The following ERBB4 variants were observed in gnomAD, a reference collection of about 807,000 sequenced individuals.
ERBB4 encodes receptor tyrosine-protein kinase erbB-4.
Under a neutral mutation model 158.0 loss-of-function variants are expected in ERBB4, and 42 were observed. The ratio of observed to expected loss-of-function variants is 0.27; its 90% confidence interval spans 0.21 to 0.34. The LOEUF is 0.34. Ranked by LOEUF, ERBB4 falls within the 10% of genes least tolerant of loss-of-function variation. The pLI is 1.00. For synonymous variants in ERBB4, 583 were observed against 558.7 expected (o/e 1.04, Z -0.61); for missense variants, 1,333 against 1,624.1 (o/e 0.82, Z 3.08).
At chr2:212,162,875 G>A (rs1000780086) in intron 1 of ERBB4, among the ~76,000 whole-genome samples, 16 of 151,910 alleles carry the variant, frequency 1.1e-4, no homozygotes, top group African/African-American at 3.6e-4. Flanking sequence ...TAATACTTTT[G>A]AAATTCAGGT....
intron 2 of ERBB4, among the ~76,000 whole-genome samples, chr2:212,098,273 C>T (rs2078987136): frequency 6.6e-6 from 1 of 152,232 alleles, no homozygotes; most frequent in East Asian, 1.9e-4. Flanking sequence ...AAATTGCAAG[C>T]TTCTATCCTT....
At chr2:212,376,097 T>C (rs13034755) in intron 1 of ERBB4, among the ~76,000 whole-genome samples, 29,916 of 152,038 alleles carry the variant, frequency 0.2, 3,111 homozygotes, top group South Asian at 0.26. Flanking sequence ...TCATCTCAAC[T>C]GGTTGAGCTT....
intron 2 of ERBB4, among the ~76,000 whole-genome samples, chr2:212,078,326 G>A (rs565500135): frequency 7.6e-4 from 116 of 151,838 alleles, no homozygotes; most frequent in Middle Eastern, 3.4e-3. Context: ...GAGACTTTAC[G>A]TAAACTATAC....
chr2:212,239,855 A>ATT (rs1395021787), intron 1 of ERBB4, among the ~76,000 whole-genome samples: 1 of 152,234 alleles, frequency 6.6e-6, no homozygotes, highest in African/African-American at 2.4e-5. Context: ...ATCCTAAAGG[A>ATT]ATTAAATAAC....
intron 3 of ERBB4, among the ~76,000 whole-genome samples, chr2:211,833,539 T>G (rs2077271029): frequency 1.3e-5 from 2 of 151,876 alleles, no homozygotes; most frequent in South Asian, 4.2e-4. Flanking sequence ...CAGATCTAGC[T>G]CTGAGCTATA....
Position 211,383,631 on chromosome 2 carries a change from C to T in ERBB4, c.3911G>A (p.Arg1304Gln), listed in dbSNP as rs760087458. Residue 1304 changes from arginine to glutamine, a missense_variant, in exon 28 of 28, where the codon CGG becomes CAG. Arg to Gln is a conservative substitution (Grantham distance 43, BLOSUM62 1). Transcript: ENST00000342788. ...CAACTGAGCTTACACCACAGTATTC[C>T]GGTGTCTGTAAGGTGGAGGCGGCAG... is the stretch of plus-strand genomic sequence containing the variant. ...TVLPPPPYRH[R>Q]NTVV 4 of 1,612,840 alleles carry T rather than the reference C, an allele frequency of 2.5e-6. No individual in the cohort carries two copies. The highest frequency in any genetic ancestry group is 2.2e-5 in the East Asian group (1 of 44,874).
chr2:212,180,059 C>T (rs1244121474), intron 1 of ERBB4, among the ~76,000 whole-genome samples: 1 of 151,650 alleles, frequency 6.6e-6, no homozygotes, highest in African/African-American at 2.4e-5. Context: ...TAAAGCCATG[C>T]AGATCCTTTT....
chr2:211,883,792 G>A (rs1191887656), intron 3 of ERBB4, among the ~76,000 whole-genome samples: 2 of 151,806 alleles, frequency 1.3e-5, no homozygotes. Context: ...ACTCAGTCTC[G>A]AAAATAAAAA....
chr2:212,057,816 C>T (rs1006834017), intron 2 of ERBB4, among the ~76,000 whole-genome samples: 4 of 152,128 alleles, frequency 2.6e-5, no homozygotes, highest in East Asian at 1.9e-4. Context: ...TAAATGCCCA[C>T]AAGAGAAAGC....
chr2:211,757,124 C>T lies in ERBB4; in HGVS notation c.557-6420G>A, dbSNP rs1045826729. On this transcript the variant is annotated intron_variant, in intron 4 of 27. Coordinates refer to ENST00000342788, the MANE Select transcript of ERBB4 (RefSeq NM_005235.3). Reference sequence around the variant, plus strand: ...CTTCTTTATGAGATGTTAATACTTCCACTTGTTCTTATCTGACAATTCTCA... The same window carrying T: ...CTTCTTTATGAGATGTTAATACTTCTACTTGTTCTTATCTGACAATTCTCA... 2.0e-5 allele frequency among the ~76,000 whole-genome samples: 3 copies of T among 152,244 alleles called. No homozygotes were observed. The East Asian group carries it at 5.8e-4, about 29-fold the overall frequency.
At chr2:211,578,209 A>G (rs2067951793) in intron 19 of ERBB4, among the ~76,000 whole-genome samples, 1 of 152,122 alleles carries the variant, frequency 6.6e-6, no homozygotes, top group Admixed American at 6.6e-5. Flanking sequence ...CACAATTGCT[A>G]CAAACAGAAT....
At chr2:211,412,774 T>A (rs1424391823) in intron 25 of ERBB4, among the ~76,000 whole-genome samples, 1 of 151,592 alleles carries the variant, frequency 6.6e-6, no homozygotes, top group East Asian at 2.0e-4. Context: ...GCCAACATGG[T>A]GAAACCCTGT....
chr2:212,014,174 A>G (rs1399418072), intron 2 of ERBB4, among the ~76,000 whole-genome samples: 2 of 152,240 alleles, frequency 1.3e-5, no homozygotes, highest in Non-Finnish European at 2.9e-5. Context: ...AGTGCCTTCA[A>G]GAACAGACAG....
chr2:212,351,714 AT>A (rs892221892), intron 1 of ERBB4, among the ~76,000 whole-genome samples: 20 of 152,094 alleles, frequency 1.3e-4, no homozygotes, highest in Admixed American at 7.9e-4. Flanking sequence ...GAAGGTAGTC[AT>A]TTTTTTGTCT....
chr2:212,065,404 G>A (rs557916109), intron 2 of ERBB4, among the ~76,000 whole-genome samples: 1 of 152,054 alleles, frequency 6.6e-6, no homozygotes, highest in South Asian at 2.1e-4. Flanking sequence ...CAATAGAAAT[G>A]AAGATGAGTT....
intron 2 of ERBB4, among the ~76,000 whole-genome samples, chr2:211,973,856 A>G (rs1015259556): frequency 1.3e-5 from 2 of 152,052 alleles, no homozygotes; most frequent in Non-Finnish European, 2.9e-5. Context: ...AATAGACTGG[A>G]TAAAAAAAAT....
At chr2:212,041,232 T>C (rs575542234) in intron 2 of ERBB4, among the ~76,000 whole-genome samples, 1 of 152,156 alleles carries the variant, frequency 6.6e-6, no homozygotes, top group Non-Finnish European at 1.5e-5. Flanking sequence ...GTAAACGGGT[T>C]ACAAAATTAT....
At chr2:211,482,011 C>A (rs961363261) in intron 20 of ERBB4, among the ~76,000 whole-genome samples, 1 of 151,966 alleles carries the variant, frequency 6.6e-6, no homozygotes, top group Non-Finnish European at 1.5e-5. Context: ...GGTCACAGTG[C>A]AAGGAGAGGG....
At chr2:212,053,413 C>T (rs1405563384) in intron 2 of ERBB4, among the ~76,000 whole-genome samples, 6 of 152,138 alleles carry the variant, frequency 3.9e-5, no homozygotes, top group African/African-American at 1.2e-4. Context: ...ATCCCCTCCT[C>T]TTCCCTTCCT....
Sources: gnomAD v4.1 joint callset for allele counts (sites outside exome capture counted in the v4.1 genomes callset) on GRCh38, gnomAD v4.1.1 for gene constraint, MANE v1.5 for transcripts, NCBI Gene and HGNC (gene_info 2026-07-23, HGNC 2026-07-21) for gene names.